UPK1A: variants seen among roughly 807,000 people sequenced by gnomAD.
UPK1A encodes uroplakin 1A, also known as uroplakin-1a.
UPK1A carries 31 observed loss-of-function variants against 32.3 expected under a neutral mutation model. That is an observed-to-expected ratio of 0.96 (90% CI 0.72 to 1.30). UPK1A has a LOEUF of 1.30. UPK1A is among the 50% of genes most tolerant of loss of function. The probability of loss-of-function intolerance (pLI) is 0.00; values close to 1 mark genes in which losing one functional copy is unlikely to be tolerated. For missense variants in UPK1A, 340 were observed against 357.4 expected (o/e 0.95, Z 0.39); for synonymous variants, 135 against 137.1 (o/e 0.98, Z 0.11).
chr19:35,676,038 C>A lies in UPK1A; in HGVS notation c.648+19C>A. The A allele has an allele frequency of 1.9e-6, 3 of 1,604,194 alleles. No individual in the cohort carries two copies. The highest frequency in any genetic ancestry group is 2.6e-6 in the Non-Finnish European group (3 of 1,174,748). On this transcript the variant is annotated intron_variant, in intron 6 of 7. Coordinates refer to ENST00000617999, the Ensembl canonical transcript of UPK1A. ...CACCAAGGTGTGGCCGTCTGCCCTG[C>A]TCCATCTGTCTATCCATCTGTCTGT...
chr19:35,668,525 G>A (rs1968035980), exon 3 of UPK1A: 2 of 1,614,198 alleles, frequency 1.2e-6, no homozygotes, highest in Non-Finnish European at 1.7e-6. Context: ...ACCCACTGAT[G>A]GGAGTCTCAG....
intron 3 of UPK1A, 152 bp from the exon 4 acceptor site, chr19:35,673,080 C>T (rs1968126005): frequency 6.1e-6 from 4 of 651,094 alleles, no homozygotes; most frequent in South Asian, 1.9e-5. Flanking sequence ...GACAATACAG[C>T]GAACACCTGA....
At chr19:35,673,512 G>T in exon 5 of UPK1A, 1 of 1,611,078 alleles carries the variant, frequency 6.2e-7, no homozygotes, top group East Asian at 2.2e-5. Context: ...AGGGCCAGGA[G>T]CTGACCCGCC....
At chr19:35,671,571 C>T (rs1340435106) in intron 3 of UPK1A, among the ~76,000 whole-genome samples, 3 of 147,302 alleles carry the variant, frequency 2.0e-5, no homozygotes, top group African/African-American at 5.0e-5. Flanking sequence ...CATTCTCCTG[C>T]CTCAGCCTCC....
At chr19:35,672,841 A>G (rs927407203) in intron 3 of UPK1A, among the ~76,000 whole-genome samples, 11 of 151,884 alleles carry the variant, frequency 7.2e-5, no homozygotes, top group African/African-American at 2.7e-4. Context: ...CAGCCTCCCA[A>G]AGTGCTGGGA....
At chr19:35,677,548 C>G (rs1027973303) in intron 6 of UPK1A, among the ~76,000 whole-genome samples, 2 of 150,218 alleles carry the variant, frequency 1.3e-5, no homozygotes, top group Non-Finnish European at 1.5e-5. Flanking sequence ...AAAAAAAAAG[C>G]CAGCTGTAAG....
In UPK1A at chr19:35,669,931, C is replaced by T. The variant is rs570091367; in HGVS notation, c.285+1277C>T. On this transcript the variant is annotated intron_variant, in intron 3 of 7. Transcript: ENST00000617999. ...AACAAATGCTTATGAGCAGGAGCTA[C>T]ATGCTGAGCCCTACGCTGGGCACTG... Among the ~76,000 whole-genome samples, 7 of 152,290 alleles carry T rather than the reference C, an allele frequency of 4.6e-5. No homozygotes were observed. The East Asian group carries it at 1.4e-3, about 29-fold the overall frequency.
chr19:35,672,548 G>A (rs777426327), intron 3 of UPK1A, among the ~76,000 whole-genome samples: 3 of 151,766 alleles, frequency 2.0e-5, no homozygotes, highest in African/African-American at 7.3e-5. Context: ...GATTACAGGC[G>A]TAAGCCACTG....
At position 35,670,674 on chromosome 19, in the gene UPK1A, TTCCCTCCC is replaced by T. The variant is rs750975881; in HGVS notation, c.285+2042_285+2049del. ...CCATGGACTTCCTTCCCTTCCTTCTTTCCCTCCCTCCCTCCCTCCCTCCCTCCCTTCCT... is the reference window on the plus strand; with the variant it reads ...CCATGGACTTCCTTCCCTTCCTTCTTTCCCTCCCTCCCTCCCTCCCTTCCT... On this transcript the variant is annotated intron_variant, in intron 3 of 7. Transcript: ENST00000617999. 1.6e-3 allele frequency among the ~76,000 whole-genome samples: 153 copies of T among 96,056 alleles called. 1 individual carries two copies. The highest frequency in any genetic ancestry group is 6.2e-3 in the African/African-American group (144 of 23,122). The allele number at this position is 96,056 out of a possible 152,430, so 63.0% of individuals were successfully genotyped here.
At chr19:35,666,671 A>T in intron 1 of UPK1A, 133 bp downstream of exon 1, 1 of 805,764 alleles carries the variant, frequency 1.2e-6, no homozygotes, top group Non-Finnish European at 2.0e-6. Flanking sequence ...CCTCCCCACC[A>T]GGGCTGTGGG....
intron 5 of UPK1A, among the ~76,000 whole-genome samples, chr19:35,674,220 CA>C (rs1968146727): frequency 1.6e-5 from 2 of 127,548 alleles, no homozygotes; most frequent in East Asian, 5.2e-4. Flanking sequence ...CCTCAAAGCA[CA>C]TTTTTTTTTT....
At chr19:35,674,708 A>G (rs538078872) in intron 5 of UPK1A, among the ~76,000 whole-genome samples, 1 of 152,152 alleles carries the variant, frequency 6.6e-6, no homozygotes, top group South Asian at 2.1e-4. Flanking sequence ...GTTTGAAGAG[A>G]TACAGTCTTC....
Position 35,676,272 on chromosome 19 carries a change from C to T in UPK1A, c.648+253C>T, listed in dbSNP as rs143098921. 2.0e-3 allele frequency: 1,260 copies of T among 624,630 alleles called. 3 individuals are homozygous for T. Among genetic ancestry groups the T allele is most frequent in the Non-Finnish European group, 2.8e-3 (964 of 342,844 alleles). The allele number at this position is 624,630 out of a possible 1,614,324, so 38.7% of individuals were successfully genotyped here. A position where few individuals can be genotyped will look rare whatever the true frequency, so the allele number is the denominator to read the frequency against. ...GTGGCACAATCTCAGCTCACTGCAGCGTCTGCCTCCCGGGTTCAAGGGATT... is the reference window on the plus strand; with the variant it reads ...GTGGCACAATCTCAGCTCACTGCAGTGTCTGCCTCCCGGGTTCAAGGGATT... On this transcript the variant is annotated intron_variant, in intron 6 of 7. Coordinates refer to ENST00000617999, the Ensembl canonical transcript of UPK1A.
At chr19:35,673,408 C>A (rs753746984) in intron 4 of UPK1A, 30 bp from the exon 5 acceptor site, 16 of 1,611,810 alleles carry the variant, frequency 9.9e-6, no homozygotes, top group Admixed American at 1.7e-5. Flanking sequence ...CCCAGCCCTG[C>A]CGGCCCTTGT....
chr19:35,678,383 A>G (rs11882996), exon 8 of UPK1A: 40,427 of 211,384 alleles, frequency 0.19, 4,252 homozygotes, highest in East Asian at 0.41. Context: ...CTCTATTGCC[A>G]TGAGAGTTCT....
intron 6 of UPK1A, 179 bp downstream of exon 6, chr19:35,676,198 T>TTCTTTCTTTC: frequency 1.2e-6 from 1 of 817,362 alleles, no homozygotes; most frequent in East Asian, 2.7e-5. Context: ...TTTCTTTCTT[T>TTCTTTCTTTC]TTTTTTTTTC....
At chr19:35,672,077 ATAGATGAAG>A (rs1258547357) in intron 3 of UPK1A, among the ~76,000 whole-genome samples, 56 of 152,322 alleles carry the variant, frequency 3.7e-4, no homozygotes, top group African/African-American at 1.3e-3. Context: ...CTGCTGCTTT[ATAGATGAAG>A]GTGCCAGGTG....
chr19:35,673,353 G>A (rs1450744856), intron 4 of UPK1A, 47 bp downstream of exon 4: 3 of 1,612,168 alleles, frequency 1.9e-6, no homozygotes, highest in Non-Finnish European at 2.5e-6. Context: ...CATGGGAGGG[G>A]CGAGGGTCCC....
In UPK1A at chr19:35,674,503, CT is replaced by C. The variant is rs535219110; in HGVS notation, c.468+959del. Among the ~76,000 whole-genome samples the C allele has an allele frequency of 1.4e-3, 218 of 152,130 alleles. 2 individuals carry two copies. Among genetic ancestry groups the C allele is most frequent in the Admixed American group, 0.013 (196 of 15,258 alleles). ...CCACCTGCCTCGGCCTCCCAAAGTG[CT>C]GGGATTACAGGCTTGAGCCACCGTG... On this transcript the variant is annotated intron_variant, in intron 5 of 7. Coordinates refer to ENST00000617999, the Ensembl canonical transcript of UPK1A.
Sources: gnomAD v4.1 joint callset for allele counts (sites outside exome capture counted in the v4.1 genomes callset) on GRCh38, gnomAD v4.1.1 for gene constraint, MANE v1.5 for transcripts, NCBI Gene and HGNC (gene_info 2026-07-23, HGNC 2026-07-21) for gene names.